PPP2R3C: variants seen among roughly 807,000 people sequenced by gnomAD.
PPP2R3C encodes protein phosphatase 2 regulatory subunit B''gamma.
In PPP2R3C, 47 loss-of-function variants were observed where a neutral mutation model predicts 63.7. That is an observed-to-expected ratio of 0.74 (90% CI 0.58 to 0.94). The LOEUF is 0.94. Ranked by LOEUF, PPP2R3C falls within the 40% of genes least tolerant of loss-of-function variation. The pLI is 0.00. For synonymous variants in PPP2R3C, 180 were observed against 177.4 expected, an observed-to-expected ratio of 1.01 and a Z score of -0.12; for missense variants, 421 against 518.4, an observed-to-expected ratio of 0.81 and a Z score of 1.82.
intron 1 of PPP2R3C, among the ~76,000 whole-genome samples, chr14:35,119,721 G>A (rs1371805964): frequency 1.3e-5 from 2 of 151,982 alleles, no homozygotes; most frequent in Non-Finnish European, 2.9e-5. Flanking sequence ...AAATGATCCA[G>A]CAGAAGGAAA....
intron 6 of PPP2R3C, among the ~76,000 whole-genome samples, chr14:35,106,004 G>A (rs1015842029): frequency 5.3e-5 from 8 of 152,024 alleles, no homozygotes; most frequent in African/African-American, 7.2e-5. Flanking sequence ...CACCACGCCC[G>A]GCTAATTTTT....
chr14:35,097,097 C>G lies in PPP2R3C; in HGVS notation c.707-333G>C, dbSNP rs141070531. Among the ~76,000 whole-genome samples, 692 of 152,158 alleles carry G rather than the reference C, an allele frequency of 4.5e-3. 22 individuals carry two copies. The highest frequency in any genetic ancestry group is 0.037 in the Admixed American group (558 of 15,274). On this transcript the variant is annotated intron_variant, in intron 7 of 12. Transcript: ENST00000261475. ...GGGTGTGGTGGAGGGCGCCTGTAAT[C>G]CCAGCTACTCTGGAGGCTGAGGCAG... is the stretch of plus-strand genomic sequence containing the variant.
Position 35,085,514 on chromosome 14 carries a change from T to A in PPP2R3C, c.*76A>T. 2 of 1,314,144 alleles carry A rather than the reference T, an allele frequency of 1.5e-6. No individual in the cohort carries two copies. The highest frequency in any genetic ancestry group is 3.2e-5 in the South Asian group (2 of 63,156). The allele number at this position is 1,314,144 out of a possible 1,614,324, so 81.4% of individuals were successfully genotyped here. On this transcript the variant is annotated 3_prime_UTR_variant, in exon 13 of 13. Coordinates refer to ENST00000261475, the MANE Select transcript of PPP2R3C (RefSeq NM_017917.4). ...TCAAGTGTTTTATTTAGACCATTTC[T>A]GAGGATTTTGCTTTAAAGGCTTTAC... is the stretch of plus-strand genomic sequence containing the variant.
At position 35,110,539 on chromosome 14, in the gene PPP2R3C, T is replaced by A. The variant is rs1242506684; in HGVS notation, c.277A>T (p.Asn93Tyr). Residue 93 changes from asparagine (N) to tyrosine (Y), a missense_variant, in exon 3 of 13, where the codon AAT (asparagine) becomes TAT (tyrosine). By Grantham distance (143) the Asn-to-Tyr change is moderately radical. Around this residue, in one of 3 missense-constraint regions of PPP2R3C, gnomAD observed 143 missense variants for 151.2 expected, o/e 0.95. Coordinates refer to ENST00000261475, the MANE Select transcript of PPP2R3C (RefSeq NM_017917.4). ...TTTGTTCTTACCTGTAATTCTTCAT[T>A]ATCTAACAGTTCTCTGCTTTTTCTT... ...LQRKSRELLD[N>Y]EELQNLWFLL... 6.2e-7 allele frequency: 1 copy of A among 1,605,884 alleles called. No homozygotes were observed. The highest frequency in any genetic ancestry group is 1.1e-5 in the South Asian group (1 of 90,286).
chr14:35,116,608 A>AC lies in PPP2R3C; in HGVS notation c.186+1dup. On this transcript the variant is annotated splice_donor_variant, in intron 2 of 12. Coordinates refer to ENST00000261475, the MANE Select transcript of PPP2R3C (RefSeq NM_017917.4). LOFTEE classifies it high-confidence loss of function. ...CAGGACATTTGATTAGACACTACTT[A>AC]CCCTATAATAAAACCGGGGAATGGT... is the stretch of plus-strand genomic sequence containing the variant. The AC allele has an allele frequency of 6.3e-7, 1 of 1,582,674 alleles. No homozygotes were observed. Among genetic ancestry groups the AC allele is most frequent in the Non-Finnish European group, 8.6e-7 (1 of 1,165,096 alleles).
intron 4 of PPP2R3C, 59 bp from the exon 5 acceptor site, chr14:35,108,295 C>T: frequency 6.7e-7 from 1 of 1,495,282 alleles, no homozygotes; most frequent in East Asian, 2.5e-5. Flanking sequence ...ATGACTTCTA[C>T]ATAAATTAGC....
intron 1 of PPP2R3C, 29 bp downstream of exon 1, chr14:35,121,873 C>T: frequency 6.2e-7 from 1 of 1,613,724 alleles, no homozygotes; most frequent in Non-Finnish European, 8.5e-7. Flanking sequence ...GCCGGGCCAT[C>T]CCAACGGGCT....
intron 4 of PPP2R3C, 83 bp downstream of exon 4, chr14:35,109,736 G>T: frequency 8.9e-7 from 1 of 1,128,870 alleles, no homozygotes; most frequent in Non-Finnish European, 1.3e-6. Context: ...GATTACAGGT[G>T]TGAGCCACTG....
chr14:35,115,608 T>C (rs554374216), intron 2 of PPP2R3C, among the ~76,000 whole-genome samples: 30 of 151,806 alleles, frequency 2.0e-4, no homozygotes, highest in African/African-American at 7.2e-4. Flanking sequence ...GAAAAAATAA[T>C]CAAGTGAAAT....
At chr14:35,107,124 T>C (rs902372520) in intron 6 of PPP2R3C, among the ~76,000 whole-genome samples, 180 bp downstream of exon 6, 1 of 152,208 alleles carries the variant, frequency 6.6e-6, no homozygotes, top group Admixed American at 6.5e-5. Context: ...ATTTTAAAAG[T>C]TGAAAGTGTA....
intron 6 of PPP2R3C, chr14:35,101,363 G>C (rs895044099): frequency 6.6e-6 from 1 of 152,204 alleles, no homozygotes; most frequent in East Asian, 1.9e-4. Flanking sequence ...TTAGTGAACA[G>C]GAAATGAGGA....
At chr14:35,114,197 C>T (rs1369990140) in intron 2 of PPP2R3C, among the ~76,000 whole-genome samples, 1 of 152,054 alleles carries the variant, frequency 6.6e-6, no homozygotes, top group Non-Finnish European at 1.5e-5. Flanking sequence ...TACACAGATA[C>T]CCACAGAAAT....
chr14:35,112,718 T>A (rs2046601670), intron 2 of PPP2R3C: 1 of 152,182 alleles, frequency 6.6e-6, no homozygotes, highest in South Asian at 2.1e-4. Context: ...GGCATTAACA[T>A]CAACACAGAC....
chr14:35,107,113 A>G (rs2046388830), intron 6 of PPP2R3C, among the ~76,000 whole-genome samples, 191 bp downstream of exon 6: 1 of 152,212 alleles, frequency 6.6e-6, no homozygotes, highest in African/African-American at 2.4e-5. Flanking sequence ...GATGATGTTC[A>G]ATTTTAAAAG....
At chr14:35,116,266 G>A (rs1445734017) in intron 2 of PPP2R3C, among the ~76,000 whole-genome samples, 1 of 151,602 alleles carries the variant, frequency 6.6e-6, no homozygotes, top group African/African-American at 2.4e-5. Flanking sequence ...TTCTGGGGGT[G>A]GGGAGGACAG....
intron 2 of PPP2R3C, among the ~76,000 whole-genome samples, chr14:35,115,637 T>G (rs1280816518): frequency 2.0e-5 from 3 of 152,090 alleles, no homozygotes; most frequent in Admixed American, 6.5e-5. Flanking sequence ...TGTTTGTTTG[T>G]TTGAGACAGA....
chr14:35,094,041 T>C (rs2045919730), intron 10 of PPP2R3C, among the ~76,000 whole-genome samples: 1 of 152,234 alleles, frequency 6.6e-6, no homozygotes, highest in African/African-American at 2.4e-5. Flanking sequence ...TCTTCAGCTG[T>C]TCATATAGCC....
intron 10 of PPP2R3C, among the ~76,000 whole-genome samples, chr14:35,093,525 T>G (rs966309523): frequency 1.3e-5 from 2 of 152,142 alleles, no homozygotes; most frequent in East Asian, 3.9e-4. Context: ...CCTCTTTTCT[T>G]TTGTTGTTAC....
At chr14:35,092,246 T>C (rs1385042085) in intron 10 of PPP2R3C, among the ~76,000 whole-genome samples, 1 of 151,900 alleles carries the variant, frequency 6.6e-6, no homozygotes, top group Non-Finnish European at 1.5e-5. Context: ...TTTTTTAAAT[T>C]CTTTGTAGAG....
Sources: allele counts gnomAD v4.1 joint callset (sites outside exome capture counted in the v4.1 genomes callset), GRCh38; gene constraint gnomAD v4.1.1; regional missense constraint gnomAD v4.1.1; transcripts MANE v1.5; gene names NCBI Gene and HGNC (gene_info 2026-07-23, HGNC 2026-07-21).